The following SDK1 variants were observed in gnomAD, a reference collection of about 807,000 sequenced individuals.
SDK1 encodes sidekick cell adhesion molecule 1, also known as protein sidekick-1.
In SDK1, 157 loss-of-function variants were observed where a neutral mutation model predicts 245.5. That is an observed-to-expected ratio of 0.64 (90% CI 0.56 to 0.73). The LOEUF is 0.73. Among genes scored for constraint, SDK1 ranks in the 30% least tolerant of loss-of-function variants. The pLI is 0.00. For missense variants in SDK1, 3,583 were observed against 3,002.3 expected (o/e 1.19, Z -4.52); for synonymous variants, 1,647 against 1,278.5 (o/e 1.29, Z -6.15).
chr7:3,839,456 TG>T (rs1269781942), intron 5 of SDK1, among the ~76,000 whole-genome samples: 6 of 152,186 alleles, frequency 3.9e-5, no homozygotes, highest in Non-Finnish European at 8.8e-5. Context: ...AATCACTGAG[TG>T]ACGATGGGCA....
chr7:3,959,345 C>A (rs539519378), intron 8 of SDK1, among the ~76,000 whole-genome samples: 1 of 152,172 alleles, frequency 6.6e-6, no homozygotes, highest in Admixed American at 6.5e-5. Context: ...TGTGACCCCC[C>A]GAGATTCGGG....
rs1562437372 is a variant in SDK1 at position 3,779,461 on chromosome 7, A to ATTT, written c.714-41989_714-41988insTTT. ...CAAAGCCAGTAACCTATTTTTTTTA[A>ATTT]AAAAAAAAAACAAGGACAAATTTAA... On this transcript the variant is annotated intron_variant, in intron 4 of 44. Transcript: ENST00000404826. Among the ~76,000 whole-genome samples, 361 of 149,886 alleles carry ATTT rather than the reference A, an allele frequency of 2.4e-3. 3 individuals carry two copies. The highest frequency in any genetic ancestry group is 8.1e-3 in the African/African-American group (330 of 40,868).
intron 1 of SDK1, among the ~76,000 whole-genome samples, chr7:3,579,113 A>G (rs1780400917): frequency 1.3e-5 from 2 of 152,160 alleles, no homozygotes; most frequent in South Asian, 2.1e-4. Context: ...AAGGGGGCTT[A>G]TGAAAGTACT....
intron 1 of SDK1, among the ~76,000 whole-genome samples, chr7:3,576,170 A>T (rs2614972): frequency 0.025 from 3,777 of 152,168 alleles, 92 homozygotes; most frequent in Non-Finnish European, 0.041. Flanking sequence ...TGTGCTTTGG[A>T]TCTCTTAAGG....
At chr7:3,854,095 T>C (rs1052912226) in intron 5 of SDK1, among the ~76,000 whole-genome samples, 1 of 152,126 alleles carries the variant, frequency 6.6e-6, no homozygotes, top group Non-Finnish European at 1.5e-5. Flanking sequence ...TTTGAGAGTA[T>C]GGAATAGGGG....
At chr7:3,920,236 C>T (rs143835292) in intron 5 of SDK1, among the ~76,000 whole-genome samples, 2 of 152,094 alleles carry the variant, frequency 1.3e-5, no homozygotes, top group Admixed American at 6.5e-5. Context: ...CGGGGTGATT[C>T]GTTGAAAGAT....
Position 4,233,409 on chromosome 7 carries a change from G to A in SDK1, c.5982G>A (p.Thr1994=), listed in dbSNP as rs147650104. 8.3e-4 allele frequency: 1,333 copies of A among 1,612,168 alleles called. 10 individuals carry two copies. The East Asian group carries it at 0.018, about 22-fold the overall frequency. ...AGYGEPSNPS[T]AVSAQVEAPF... ...ACGGGGAGCCCAGCAACCCCTCCAC[G>A]GCTGTGTCAGGTAGGCCCTCCCAGG... The change falls in exon 41 of 45, where the codon ACG becomes ACA. Residue 1994 remains threonine (T), a synonymous_variant. Transcript: ENST00000404826.
intron 4 of SDK1, among the ~76,000 whole-genome samples, chr7:3,762,211 G>A (rs1404026860): frequency 1.3e-5 from 2 of 152,198 alleles, no homozygotes; most frequent in Admixed American, 1.3e-4. Context: ...TCTAGTTGAG[G>A]AAGCAGTACC....
At chr7:3,646,330 A>G (rs1190431613) in intron 4 of SDK1, among the ~76,000 whole-genome samples, 1 of 136,314 alleles carries the variant, frequency 7.3e-6, no homozygotes, top group Non-Finnish European at 1.6e-5. Flanking sequence ...TTTTTTTTTC[A>G]TTTTCAAGGG....
intron 5 of SDK1, among the ~76,000 whole-genome samples, chr7:3,931,693 C>A (rs1043370203): frequency 6.6e-6 from 1 of 152,200 alleles, no homozygotes; most frequent in African/African-American, 2.4e-5. Context: ...TGGATTTGAG[C>A]TATGCTGGTT....
intron 14 of SDK1, among the ~76,000 whole-genome samples, chr7:4,005,181 G>A (rs1414546511): frequency 2.0e-5 from 3 of 151,292 alleles, no homozygotes; most frequent in Non-Finnish European, 4.4e-5. Flanking sequence ...AAGTAGCTGG[G>A]AATACAGGTG....
intron 1 of SDK1, among the ~76,000 whole-genome samples, chr7:3,516,765 CTGAG>C (rs2128613181): frequency 6.6e-6 from 1 of 152,264 alleles, no homozygotes; most frequent in African/African-American, 2.4e-5. Flanking sequence ...TTGAAAGATA[CTGAG>C]TATTAGACAT....
chr7:3,655,493 A>G (rs1051712952), intron 4 of SDK1, among the ~76,000 whole-genome samples: 911 of 65,398 alleles, frequency 0.014, 66 homozygotes, highest in African/African-American at 0.035. Context: ...ATATATATAT[A>G]TATATATATA....
At chr7:3,966,462 G>C (rs1349479366) in intron 9 of SDK1, among the ~76,000 whole-genome samples, 2 of 152,060 alleles carry the variant, frequency 1.3e-5, no homozygotes, top group East Asian at 3.9e-4. Context: ...GCCATCAGGA[G>C]CTCCTCCTGT....
chr7:3,852,994 C>T (rs1780456383), intron 5 of SDK1, among the ~76,000 whole-genome samples: 1 of 151,970 alleles, frequency 6.6e-6, no homozygotes, highest in Admixed American at 6.6e-5. Context: ...GATAAGGGAG[C>T]ATTTGTCATT....
chr7:3,759,523 C>CT (rs1562422509), intron 4 of SDK1, among the ~76,000 whole-genome samples: 1 of 151,828 alleles, frequency 6.6e-6, no homozygotes, highest in Non-Finnish European at 1.5e-5. Flanking sequence ...TTGAAATACG[C>CT]TTTTATCATA....
chr7:3,649,673 G>C (rs1782947114), intron 4 of SDK1, among the ~76,000 whole-genome samples: 1 of 152,124 alleles, frequency 6.6e-6, no homozygotes, highest in Admixed American at 6.5e-5. Flanking sequence ...CAGCCCAGCG[G>C]TTTAGTACTG....
At chr7:3,898,933 T>C (rs1781692301) in intron 5 of SDK1, among the ~76,000 whole-genome samples, 1 of 152,256 alleles carries the variant, frequency 6.6e-6, no homozygotes, top group African/African-American at 2.4e-5. Flanking sequence ...TTTAGCCTAA[T>C]TTGTAAACAA....
intron 35 of SDK1, among the ~76,000 whole-genome samples, chr7:4,181,944 G>A (rs1782625684): frequency 6.6e-6 from 1 of 151,982 alleles, no homozygotes; most frequent in Admixed American, 6.6e-5. Context: ...TTTTGAGACA[G>A]CGTCTTGCTC....
Sources: gnomAD v4.1 joint callset for allele counts (sites outside exome capture counted in the v4.1 genomes callset) on GRCh38, gnomAD v4.1.1 for gene constraint, MANE v1.5 for transcripts, NCBI Gene and HGNC (gene_info 2026-07-23, HGNC 2026-07-21) for gene names.